Variants in NTNG2 observed in about 807,000 individuals in gnomAD.
NTNG2 encodes the protein netrin G2.
In NTNG2, 15 loss-of-function variants were observed where a neutral mutation model predicts 47.6. The observed-to-expected ratio is 0.32, with a 90% CI of 0.21 to 0.49. The LOEUF is 0.49. Ranked by LOEUF, NTNG2 falls within the 20% of genes least tolerant of loss-of-function variation. NTNG2 has a pLI of 0.99. For missense variants in NTNG2, 578 were observed against 764.6 expected, an observed-to-expected ratio of 0.76 and a Z score of 2.88; for synonymous variants, 307 against 324.6, an observed-to-expected ratio of 0.95 and a Z score of 0.58.
At chr9:132,213,224 A>T (rs575612600) in intron 3 of NTNG2, among the ~76,000 whole-genome samples, 1 of 151,268 alleles carries the variant, frequency 6.6e-6, no homozygotes, top group South Asian at 2.1e-4. Flanking sequence ...CAAGAGGTTG[A>T]GGCAGGAGAA....
chr9:132,240,729 A>G, intron 6 of NTNG2, 181 bp from the exon 7 acceptor site: 2 of 801,696 alleles, frequency 2.5e-6, no homozygotes, highest in Non-Finnish European at 3.9e-6. Context: ...TCTTCTCTCC[A>G]GGCCTGGCCA....
At chr9:132,228,646 C>T (rs1243983883) in intron 4 of NTNG2, among the ~76,000 whole-genome samples, 2 of 152,096 alleles carry the variant, frequency 1.3e-5, no homozygotes, top group Admixed American at 6.5e-5. Context: ...TAACCTCAAC[C>T]TCCTGGGCTT....
chr9:132,229,534 C>T (rs1841040315), intron 4 of NTNG2, among the ~76,000 whole-genome samples: 1 of 152,206 alleles, frequency 6.6e-6, no homozygotes, highest in Admixed American at 6.5e-5. Context: ...CCCCCAGGAC[C>T]TCCCCGTGCC....
intron 2 of NTNG2, among the ~76,000 whole-genome samples, chr9:132,190,051 G>A (rs1837750341): frequency 1.3e-5 from 2 of 148,622 alleles, no homozygotes; most frequent in South Asian, 4.2e-4. Context: ...GGCTAACACG[G>A]TGAAACCCCG....
At chr9:132,205,916 C>T (rs182741292) in intron 3 of NTNG2, among the ~76,000 whole-genome samples, 37 of 152,198 alleles carry the variant, frequency 2.4e-4, no homozygotes, top group African/African-American at 6.7e-4. Flanking sequence ...TAAATATATA[C>T]GTATATTTTA....
At position 132,240,989 on chromosome 9, in the gene NTNG2, G is replaced by T. The variant is rs1589573649; in HGVS notation, c.1302G>T (p.Ala434=). The T allele has an allele frequency of 7.4e-6, 12 of 1,610,814 alleles. No homozygotes were observed. The highest frequency in any genetic ancestry group is 9.3e-6 in the Non-Finnish European group (11 of 1,179,566). ...TGFCECREGA[A]GPKCDDCLPT... is the part of the protein sequence containing the mutation. The stretch of plus-strand genomic sequence containing the variant: ...TCTGCGAGTGCCGCGAGGGCGCGGC[G>T]GGCCCCAAGTGCGACGACTGCCTCC... The change falls in exon 7 of 8, where the codon GCG becomes GCT. Residue 434 remains alanine (A), a synonymous_variant. Coordinates refer to ENST00000393229, the MANE Select transcript of NTNG2 (RefSeq NM_032536.4).
At chr9:132,198,985 A>C (rs186203189) in intron 3 of NTNG2, among the ~76,000 whole-genome samples, 1 of 152,058 alleles carries the variant, frequency 6.6e-6, no homozygotes, top group Non-Finnish European at 1.5e-5. Flanking sequence ...TTGAGATGTT[A>C]CTTGGTTTCC....
chr9:132,230,526 C>A, intron 4 of NTNG2, 46 bp from the exon 5 acceptor site: 1 of 1,574,084 alleles, frequency 6.4e-7, no homozygotes, highest in South Asian at 1.2e-5. Context: ...GACACCCAGG[C>A]CCCTTCCCCT....
chr9:132,206,942 G>A (rs553289805), intron 3 of NTNG2, among the ~76,000 whole-genome samples: 141 of 152,336 alleles, frequency 9.3e-4, no homozygotes, highest in African/African-American at 3.2e-3. Context: ...CTGGACCTGC[G>A]GTCTCCTCTG....
At position 132,167,177 on chromosome 9, in the gene NTNG2, G is replaced by A. The variant is rs998006421; in HGVS notation, c.213+133G>A. On this transcript the variant is annotated intron_variant, in intron 2 of 7. Coordinates refer to ENST00000393229, the MANE Select transcript of NTNG2 (RefSeq NM_032536.4). ...CTTTCCTGCCTCTTGACCAGGTCTG[G>A]ACCAGACCTGGACCAGGTCTTTGTC... The A allele has an allele frequency of 1.1e-5, 10 of 911,144 alleles. No individual in the cohort carries two copies. In the Admixed American group the frequency reaches 1.2e-4, roughly 11 times the overall value. 56.4% of individuals were successfully genotyped at this position (911,144 alleles called of 1,614,324 possible). A position where few individuals can be genotyped will look rare whatever the true frequency, so the allele number is the denominator to read the frequency against.
chr9:132,202,569 C>T (rs138095120), intron 3 of NTNG2, among the ~76,000 whole-genome samples: 4 of 152,314 alleles, frequency 2.6e-5, no homozygotes, highest in African/African-American at 9.6e-5. Flanking sequence ...AACTCAGGTG[C>T]GGAGCCTGGA....
intron 4 of NTNG2, among the ~76,000 whole-genome samples, chr9:132,228,482 CT>C (rs1468982055): frequency 1.3e-5 from 2 of 152,150 alleles, no homozygotes; most frequent in Admixed American, 6.5e-5. Flanking sequence ...CACAAATTTG[CT>C]GCCCTTTCGT....
At chr9:132,212,977 G>C (rs1028811604) in intron 3 of NTNG2, among the ~76,000 whole-genome samples, 1 of 152,176 alleles carries the variant, frequency 6.6e-6, no homozygotes, top group Non-Finnish European at 1.5e-5. Flanking sequence ...GTTTCATGAC[G>C]TCTTGACTCA....
intron 2 of NTNG2, among the ~76,000 whole-genome samples, chr9:132,169,941 C>T (rs549572817): frequency 2.6e-5 from 4 of 152,328 alleles, no homozygotes; most frequent in Non-Finnish European, 5.9e-5. Flanking sequence ...GGGGAGCTTC[C>T]TCGCCTGCAG....
chr9:132,227,175 G>C, intron 4 of NTNG2, 154 bp downstream of exon 4: 1 of 870,678 alleles, frequency 1.1e-6, no homozygotes. Flanking sequence ...AAACATACGA[G>C]CATGCATGCA....
At position 132,189,068 on chromosome 9, in the gene NTNG2, CTTTTTTT is replaced by C. The variant is rs749756559; in HGVS notation, c.214-8877_214-8871del. On this transcript the variant is annotated intron_variant, in intron 2 of 7. Transcript: ENST00000393229. ...TATGTGAAAAAGGCTTTAAGCCTTT[CTTTTTTT>C]TTTTTTTTTTTTTTTTTTTTAGACA... Among the ~76,000 whole-genome samples the C allele has an allele frequency of 1.5e-3, 136 of 93,282 alleles. 9 individuals carry two copies. Among genetic ancestry groups the C allele is most frequent in the East Asian group, 4.0e-3 (13 of 3,274 alleles). 61.2% of individuals were successfully genotyped at this position (93,282 alleles called of 152,430 possible).
At chr9:132,173,623 G>A (rs771790422) in intron 2 of NTNG2, among the ~76,000 whole-genome samples, 6 of 152,020 alleles carry the variant, frequency 3.9e-5, no homozygotes, top group Admixed American at 6.6e-5. Context: ...TCCCACCTGC[G>A]ATGGGGCAGG....
At chr9:132,161,802 C>G (rs989813573), upstream of NTNG2, 1 of 151,398 alleles carries the variant, frequency 6.6e-6, no homozygotes, top group South Asian at 2.1e-4. This position sits in a 1 kb window ranked among gnomAD's most constrained non-coding sequence, Gnocchi z 7.2. Flanking sequence ...CCATCTGGCC[C>G]GCGCCGCGCC....
chr9:132,233,596 C>CA (rs1331443271), intron 5 of NTNG2: 27 of 152,276 alleles, frequency 1.8e-4, no homozygotes, highest in Admixed American at 1.7e-3. Flanking sequence ...GAGGTGGCTC[C>CA]AATGTGACAG....
Sources: allele counts gnomAD v4.1 joint callset (sites outside exome capture counted in the v4.1 genomes callset), GRCh38; gene constraint gnomAD v4.1.1; non-coding constraint Gnocchi (gnomAD v3.1); transcripts MANE v1.5; gene names NCBI Gene and HGNC (gene_info 2026-07-23, HGNC 2026-07-21).